The following NLK variants were observed in gnomAD, a reference collection of about 807,000 sequenced individuals.
NLK encodes the protein nemo like kinase, also known as serine/threonine-protein kinase NLK.
In NLK, 11 loss-of-function variants were observed where a neutral mutation model predicts 59.0. That is an observed-to-expected ratio of 0.19 (90% confidence interval 0.12 to 0.31). NLK has a LOEUF of 0.31. NLK is among the 10% of genes least tolerant of loss of function. NLK has a pLI of 1.00. For synonymous variants in NLK, 235 were observed against 235.9 expected (o/e 1.00, Z 0.03); for missense variants, 410 against 661.1 (o/e 0.62, Z 4.16).
chr17:28,133,372 G>A (rs902021918), intron 3 of NLK, among the ~76,000 whole-genome samples: 4 of 152,160 alleles, frequency 2.6e-5, no homozygotes, highest in African/African-American at 9.7e-5. Flanking sequence ...TTCTGACTAT[G>A]TAGTCTTGCT....
Position 28,163,687 on chromosome 17 carries a change from G to A in NLK, c.837+59G>A, listed in dbSNP as rs939661780. The A allele has an allele frequency of 1.6e-5, 16 of 1,000,864 alleles. No individual in the cohort carries two copies. In the African/African-American group the frequency reaches 2.6e-4, roughly 16 times the overall value. 62.0% of individuals were successfully genotyped at this position (1,000,864 alleles called of 1,614,324 possible). A position where few individuals can be genotyped will look rare whatever the true frequency, so the allele number is the denominator to read the frequency against. On this transcript the variant is annotated intron_variant, in intron 5 of 10. Coordinates refer to ENST00000407008, the MANE Select transcript of NLK (RefSeq NM_016231.5). ...AATCAGAATGTCAGGGCAGGTTTAAGAACAACATATTTTTGTGAAAGAAAG... is the reference window on the plus strand; with the variant it reads ...AATCAGAATGTCAGGGCAGGTTTAAAAACAACATATTTTTGTGAAAGAAAG...
chr17:28,074,156 A>G (rs920310240), intron 1 of NLK, among the ~76,000 whole-genome samples: 4 of 152,216 alleles, frequency 2.6e-5, no homozygotes, highest in Admixed American at 1.3e-4. Flanking sequence ...TTATCTTACA[A>G]TCTCCAGATG....
rs368402497 is a variant in NLK, at chr17:28,074,305, C to CAT, written c.458+30975_458+30976dup. The stretch of plus-strand genomic sequence containing the variant: ...CATTTGCCTATGTAACAAACCTGCA[C>CAT]ATCCTGCACATGTACCCCTGAACTT... On this transcript the variant is annotated intron_variant, in intron 1 of 10. Coordinates refer to ENST00000407008, the MANE Select transcript of NLK (RefSeq NM_016231.5). Among the ~76,000 whole-genome samples, 418 of 152,300 alleles carry CAT rather than the reference C, an allele frequency of 2.7e-3. 4 individuals carry two copies. The highest frequency in any genetic ancestry group is 1.2e-3 in the East Asian group (6 of 5,186).
rs1220117675 is a variant in NLK at position 28,192,222 on chromosome 17, A to G, written c.1529+9A>G. ...TTTAAGAGCTTTATTAGGTAACTAT[A>G]TGTATGTAATTCAACATTCTTGTTA... On this transcript the variant is annotated intron_variant, in intron 10 of 10. Transcript: ENST00000407008. 3 of 1,385,522 alleles carry G rather than the reference A, an allele frequency of 2.2e-6. No homozygotes were observed. The highest frequency in any genetic ancestry group is 2.3e-5 in the East Asian group (1 of 43,654). 85.8% of individuals were successfully genotyped at this position (1,385,522 alleles called of 1,614,324 possible). A position where few individuals can be genotyped will look rare whatever the true frequency, so the allele number is the denominator to read the frequency against.
intron 1 of NLK, chr17:28,116,290 G>A (rs1246278887): frequency 9.8e-6 from 2 of 204,230 alleles, no homozygotes; most frequent in Non-Finnish European, 2.1e-5. Context: ...AACACTGGCA[G>A]CACCTATTGA....
At chr17:28,134,933 A>G (rs1443098346) in intron 3 of NLK, among the ~76,000 whole-genome samples, 3 of 152,200 alleles carry the variant, frequency 2.0e-5, no homozygotes, top group Admixed American at 2.0e-4. Flanking sequence ...AGCATTAATG[A>G]TTCCATTTCA....
rs114825904 is a variant in NLK at position 28,068,697 on chromosome 17, A to G, written c.458+25366A>G. 5.7e-3 allele frequency among the ~76,000 whole-genome samples: 874 copies of G among 152,204 alleles called. 6 individuals are homozygous for G. The highest frequency in any genetic ancestry group is 0.02 in the African/African-American group (820 of 41,508). On this transcript the variant is annotated intron_variant, in intron 1 of 10. Coordinates refer to ENST00000407008, the MANE Select transcript of NLK (RefSeq NM_016231.5). ...ATTTTTAAAATTTTTTCTATTTTTT[A>G]GAGACAAGATCTCTTTCTGTTGCCC...
chr17:28,181,215 A>G (rs1179898755), intron 7 of NLK, among the ~76,000 whole-genome samples: 1 of 152,106 alleles, frequency 6.6e-6, no homozygotes, highest in Non-Finnish European at 1.5e-5. Context: ...CCTGGGCAAC[A>G]TGGCAAAACC....
At chr17:28,111,892 GTGTGGTGTGTGTGTGTGTGT>G (rs1437118473) in intron 1 of NLK, among the ~76,000 whole-genome samples, 27 of 114,530 alleles carry the variant, frequency 2.4e-4, no homozygotes, top group African/African-American at 9.7e-4. Context: ...GTGTGTGTGT[GTGTGGTGTGTGTGTGTGTGT>G]GTGTGTGTGT....
chr17:28,195,915 A>G lies in NLK; in HGVS notation c.*1279A>G, dbSNP rs1257450349. The G allele has an allele frequency of 2.0e-5, 3 of 152,602 alleles. No individual in the cohort carries two copies. The highest frequency in any genetic ancestry group is 2.1e-4 in the South Asian group (1 of 4,836). The allele number at this position is 152,602 out of a possible 1,614,324, so 9.5% of individuals were successfully genotyped here. On this transcript the variant is annotated 3_prime_UTR_variant, in exon 11 of 11. Transcript: ENST00000407008. ...AAATTGAAGATCATTTTTCACCTGT[A>G]CAAGGAATACTAATGGATCGTCTTA...
At chr17:28,125,612 ATATATAATAGATC>A (rs1906259283) in intron 2 of NLK, among the ~76,000 whole-genome samples, 1 of 152,132 alleles carries the variant, frequency 6.6e-6, no homozygotes, top group Non-Finnish European at 1.5e-5. Context: ...CCACTATTTT[ATATATAATAGATC>A]TCTGCTATCT....
chr17:28,074,569 A>G (rs2142759827), intron 1 of NLK, among the ~76,000 whole-genome samples: 1 of 152,204 alleles, frequency 6.6e-6, no homozygotes, highest in East Asian at 1.9e-4. Context: ...TTCTATGGTG[A>G]ATTACATAAT....
chr17:28,196,139 T>TA lies in NLK; in HGVS notation c.*1506dup, dbSNP rs1909477662. The stretch of plus-strand genomic sequence containing the variant: ...GTGAAAGAAACAAACATTGAATTAC[T>TA]AAACAAAGATGGTGCAATATCTTTG... On this transcript the variant is annotated 3_prime_UTR_variant, in exon 11 of 11. Coordinates refer to ENST00000407008, the MANE Select transcript of NLK (RefSeq NM_016231.5). 6.6e-6 allele frequency: 1 copy of TA among 152,482 alleles called. No homozygotes were observed. Among genetic ancestry groups the TA allele is most frequent in the South Asian group, 2.1e-4 (1 of 4,828 alleles). The allele number at this position is 152,482 out of a possible 1,614,324, so 9.4% of individuals were successfully genotyped here.
intron 3 of NLK, 81 bp downstream of exon 3, chr17:28,132,756 C>G (rs1906573650): frequency 1.7e-6 from 2 of 1,159,806 alleles, no homozygotes; most frequent in South Asian, 2.7e-5. Context: ...GGGTTCATGC[C>G]TTCAAGTATT....
intron 3 of NLK, among the ~76,000 whole-genome samples, chr17:28,154,117 G>A (rs1176591038): frequency 1.3e-5 from 2 of 152,094 alleles, no homozygotes; most frequent in Non-Finnish European, 2.9e-5. Flanking sequence ...TAAAAATTCA[G>A]TCTAGAAAAG....
At chr17:28,182,557 GA>G (rs1908951795) in intron 7 of NLK, among the ~76,000 whole-genome samples, 1 of 152,156 alleles carries the variant, frequency 6.6e-6, no homozygotes. Context: ...TGACAAACCA[GA>G]AAATACAAGG....
rs146700875 is a variant in NLK, at chr17:28,045,058, C to G, written c.458+1727C>G. Among the ~76,000 whole-genome samples, 14 of 152,308 alleles carry G rather than the reference C, an allele frequency of 9.2e-5. No homozygotes were observed. In the East Asian group the frequency reaches 2.5e-3, roughly 27 times the overall value. ...AACTGGAGTGCTGAAACATCTCACA[C>G]AGCAAACGTTCTGCTAGTGGGTACT... On this transcript the variant is annotated intron_variant, in intron 1 of 10. Coordinates refer to ENST00000407008, the MANE Select transcript of NLK (RefSeq NM_016231.5).
At chr17:28,068,407 C>T (rs761262726) in intron 1 of NLK, among the ~76,000 whole-genome samples, 40 of 152,012 alleles carry the variant, frequency 2.6e-4, no homozygotes, top group Non-Finnish European at 4.7e-4. Context: ...ATCAAGGGAA[C>T]TTAATATCTT....
At chr17:28,066,321 T>A (rs956271153) in intron 1 of NLK, among the ~76,000 whole-genome samples, 4 of 152,214 alleles carry the variant, frequency 2.6e-5, no homozygotes, top group Admixed American at 2.0e-4. Context: ...CACAGTCCAC[T>A]GTGCAGTCAT....
Sources: allele counts gnomAD v4.1 joint callset (sites outside exome capture counted in the v4.1 genomes callset), GRCh38; gene constraint gnomAD v4.1.1; transcripts MANE v1.5; gene names NCBI Gene and HGNC (gene_info 2026-07-23, HGNC 2026-07-21).